The following PHF21B variants were observed in gnomAD, a reference collection of about 807,000 sequenced individuals.
PHF21B encodes PHD finger protein 21B.
In PHF21B, 22 loss-of-function variants were observed where a neutral mutation model predicts 62.2. The ratio of observed to expected loss-of-function variants is 0.35; its 90% CI spans 0.25 to 0.51. PHF21B has a LOEUF of 0.51. PHF21B is among the 20% of genes least tolerant of loss of function. The pLI is 0.97. For synonymous variants in PHF21B, 341 were observed against 314.7 expected (o/e 1.08, Z -0.88); for missense variants, 701 against 707.9 (o/e 0.99, Z 0.11).
intron 9 of PHF21B, among the ~76,000 whole-genome samples, chr22:44,888,962 C>A (rs2070911121): frequency 6.6e-6 from 1 of 152,214 alleles, no homozygotes; most frequent in East Asian, 1.9e-4. Flanking sequence ...CTCCAGGTGT[C>A]CCCTGTCCAC....
intron 2 of PHF21B, among the ~76,000 whole-genome samples, chr22:44,930,487 A>G (rs1217358335): frequency 6.8e-6 from 1 of 147,292 alleles, no homozygotes; most frequent in Non-Finnish European, 1.5e-5. Flanking sequence ...TCTGAGTGGC[A>G]CCTTGCAAGC....
intron 2 of PHF21B, among the ~76,000 whole-genome samples, chr22:44,996,216 T>C (rs2073120622): frequency 6.6e-6 from 1 of 152,098 alleles, no homozygotes; most frequent in African/African-American, 2.4e-5. Flanking sequence ...CTTCGGTGTC[T>C]GCCATCCCTG....
intron 2 of PHF21B, among the ~76,000 whole-genome samples, chr22:44,983,169 G>A (rs1367032772): frequency 6.6e-6 from 1 of 152,010 alleles, no homozygotes; most frequent in Non-Finnish European, 1.5e-5. Context: ...AGGAGGCGGA[G>A]GTTACAGTGA....
chr22:44,888,960 G>C (rs2070911024), intron 9 of PHF21B, among the ~76,000 whole-genome samples: 1 of 152,198 alleles, frequency 6.6e-6, no homozygotes, highest in Admixed American at 6.5e-5. Flanking sequence ...GGCTCCAGGT[G>C]TCCCCTGTCC....
intron 2 of PHF21B, among the ~76,000 whole-genome samples, chr22:44,956,780 A>G (rs1242858074): frequency 6.6e-6 from 1 of 152,122 alleles, no homozygotes; most frequent in East Asian, 1.9e-4. Flanking sequence ...CCACTTTGGA[A>G]ACAGAAAACT....
intron 2 of PHF21B, among the ~76,000 whole-genome samples, chr22:44,933,987 C>T (rs555306876): frequency 7.9e-4 from 121 of 152,330 alleles, no homozygotes; most frequent in African/African-American, 2.7e-3. Context: ...CATTTCCACG[C>T]AGTTTGAGGG....
At chr22:44,884,045 C>CATT (rs2070787864) in intron 12 of PHF21B, among the ~76,000 whole-genome samples, 1 of 7,266 alleles carries the variant, frequency 1.4e-4, no homozygotes, top group Non-Finnish European at 3.1e-4. Flanking sequence ...TGATCAGCAC[C>CATT]ACCACCACCA....
chr22:44,998,361 AAATTT>A (rs1907057578), intron 2 of PHF21B, among the ~76,000 whole-genome samples: 1 of 152,230 alleles, frequency 6.6e-6, no homozygotes, highest in East Asian at 1.9e-4. Flanking sequence ...CTGGTGAAGT[AAATTT>A]AATTGTGAAA....
chr22:44,892,345 C>T (rs2070981265), intron 7 of PHF21B, among the ~76,000 whole-genome samples: 3 of 152,216 alleles, frequency 2.0e-5, no homozygotes, highest in South Asian at 4.1e-4. Context: ...AGAGGAAAGG[C>T]GTGGACAGGC....
At chr22:45,006,294 G>T (rs2073312700) in intron 2 of PHF21B, among the ~76,000 whole-genome samples, 1 of 152,144 alleles carries the variant, frequency 6.6e-6, no homozygotes, top group African/African-American at 2.4e-5. Flanking sequence ...CTTACCCAAT[G>T]TTGTTTAGTC....
At chr22:44,974,331 T>C (rs1472839929) in intron 2 of PHF21B, among the ~76,000 whole-genome samples, 1 of 151,662 alleles carries the variant, frequency 6.6e-6, no homozygotes, top group Non-Finnish European at 1.5e-5. Flanking sequence ...GGAGGGTCAC[T>C]TGAGGCCAGG....
intron 2 of PHF21B, 89 bp from the exon 3 acceptor site, chr22:44,920,579 G>T (rs1821931058): frequency 1.2e-6 from 1 of 840,008 alleles, no homozygotes; most frequent in South Asian, 1.8e-5. Flanking sequence ...GGGGGCAGCT[G>T]CCTTGGAGAC....
Position 44,899,569 on chromosome 22 carries a change from C to A in PHF21B, c.832-3486G>T, listed in dbSNP as rs113987579. Among the ~76,000 whole-genome samples, 1,510 of 152,180 alleles carry A rather than the reference C, an allele frequency of 9.9e-3. 26 individuals carry two copies. The highest frequency in any genetic ancestry group is 0.033 in the African/African-American group (1,385 of 41,510). On this transcript the variant is annotated intron_variant, in intron 5 of 12. Coordinates refer to ENST00000313237, the MANE Select transcript of PHF21B (RefSeq NM_138415.5). ...CCTCCCAAAGTGCTGGGATTACAGG[C>A]GTGACCTACCACACCCAGCCTCTTC...
chr22:44,997,393 T>C (rs2073140674), intron 2 of PHF21B, among the ~76,000 whole-genome samples: 3 of 152,122 alleles, frequency 2.0e-5, no homozygotes, highest in African/African-American at 7.2e-5. Flanking sequence ...TCCAAGCTCT[T>C]GGGGGGACCT....
chr22:44,970,643 C>A (rs1176988416), intron 2 of PHF21B, among the ~76,000 whole-genome samples: 1 of 152,176 alleles, frequency 6.6e-6, no homozygotes, highest in African/African-American at 2.4e-5. Flanking sequence ...CAAGGTGGGT[C>A]CGTGTGGTCA....
intron 2 of PHF21B, among the ~76,000 whole-genome samples, chr22:44,996,463 G>T (rs1259619564): frequency 6.6e-6 from 1 of 151,952 alleles, no homozygotes; most frequent in East Asian, 1.9e-4. Flanking sequence ...CCAGACTGGG[G>T]GCGGAAATCA....
chr22:44,883,981 C>G (rs1340397275), intron 12 of PHF21B, among the ~76,000 whole-genome samples: 2 of 106,202 alleles, frequency 1.9e-5, no homozygotes, highest in Non-Finnish European at 3.5e-5. Flanking sequence ...GTGATCATTA[C>G]CACCATCACC....
intron 2 of PHF21B, among the ~76,000 whole-genome samples, chr22:44,946,165 G>A (rs192603398): frequency 1.3e-5 from 2 of 152,214 alleles, no homozygotes; most frequent in East Asian, 1.9e-4. Flanking sequence ...GCTTCCCAGA[G>A]GAGGTGCACT....
chr22:44,948,749 G>C (rs1352675263), intron 2 of PHF21B, among the ~76,000 whole-genome samples: 2 of 152,006 alleles, frequency 1.3e-5, no homozygotes, highest in Non-Finnish European at 2.9e-5. Flanking sequence ...CAGGATGCTG[G>C]ACATGGAAGC....
Sources: gnomAD v4.1 joint callset for allele counts (sites outside exome capture counted in the v4.1 genomes callset) on GRCh38, gnomAD v4.1.1 for gene constraint, MANE v1.5 for transcripts, NCBI Gene and HGNC (gene_info 2026-07-23, HGNC 2026-07-21) for gene names.